CTNND2: variants seen among roughly 807,000 people sequenced by gnomAD.
CTNND2 encodes catenin delta 2, also known as catenin delta-2.
In CTNND2, 22 loss-of-function variants were observed where a neutral mutation model predicts 144.4. The ratio of observed to expected loss-of-function variants is 0.15; its 90% CI spans 0.11 to 0.22. The LOEUF (loss-of-function observed/expected upper bound fraction) is 0.22, where lower values mean the gene tolerates loss of function less well. Ranked by LOEUF, CTNND2 falls within the 10% of genes least tolerant of loss-of-function variation. The pLI is 1.00. For missense variants in CTNND2, 1,353 were observed against 1,618.8 expected, an observed-to-expected ratio of 0.84 and a Z score of 2.82; for synonymous variants, 751 against 695.6, an observed-to-expected ratio of 1.08 and a Z score of -1.25.
chr5:11,353,815 A>C (rs951167940), intron 8 of CTNND2, among the ~76,000 whole-genome samples: 13 of 152,276 alleles, frequency 8.5e-5, no homozygotes, highest in South Asian at 8.3e-4. Context: ...AAAAAAAAAA[A>C]AACATTGTAT....
intron 8 of CTNND2, among the ~76,000 whole-genome samples, chr5:11,358,132 G>T (rs1193582688): frequency 6.6e-6 from 1 of 152,128 alleles, no homozygotes; most frequent in South Asian, 2.1e-4. Flanking sequence ...AGTAATTGGG[G>T]TGCATCATCC....
At chr5:11,438,511 A>C (rs989372781) in intron 3 of CTNND2, among the ~76,000 whole-genome samples, 4 of 152,228 alleles carry the variant, frequency 2.6e-5, no homozygotes, top group Non-Finnish European at 4.4e-5. Flanking sequence ...CTAATTTCAG[A>C]GTCACACTTG....
intron 6 of CTNND2, among the ~76,000 whole-genome samples, chr5:11,389,051 T>C (rs1442488413): frequency 1.3e-5 from 2 of 152,202 alleles, no homozygotes; most frequent in Non-Finnish European, 2.9e-5. Context: ...ATAAAAATAA[T>C]GATATAACAA....
At chr5:11,379,347 C>T (rs746181788) in intron 7 of CTNND2, among the ~76,000 whole-genome samples, 5 of 152,142 alleles carry the variant, frequency 3.3e-5, no homozygotes, top group African/African-American at 9.7e-5. Flanking sequence ...CTATGCATCA[C>T]GTACATTTAA....
At chr5:11,180,402 T>C (rs1760886590) in intron 11 of CTNND2, among the ~76,000 whole-genome samples, 1 of 152,206 alleles carries the variant, frequency 6.6e-6, no homozygotes, top group African/African-American at 2.4e-5. Flanking sequence ...ACAAGGGTCA[T>C]GTGGCCTTAA....
At chr5:11,202,196 T>C (rs984241156) in intron 10 of CTNND2, among the ~76,000 whole-genome samples, 5 of 152,222 alleles carry the variant, frequency 3.3e-5, no homozygotes, top group Admixed American at 2.6e-4. Context: ...ATTTTAGCTA[T>C]ATTGGATGTT....
At chr5:11,847,746 T>C (rs1283994621) in intron 1 of CTNND2, among the ~76,000 whole-genome samples, 1 of 152,118 alleles carries the variant, frequency 6.6e-6, no homozygotes, top group East Asian at 1.9e-4. Flanking sequence ...CCCATGAATA[T>C]GTATAATTAC....
chr5:11,159,696 G>A lies in CTNND2; in HGVS notation c.2039C>T (p.Ala680Val). The A allele has an allele frequency of 6.2e-7, 1 of 1,612,386 alleles. No individual in the cohort carries two copies. The highest frequency in any genetic ancestry group is 8.5e-7 in the Non-Finnish European group (1 of 1,179,318). The stretch of plus-strand genomic sequence containing the variant: ...GATAATCACCGCGTTGGTCAGTACT[G>A]CTAGGGCATCCTGGATGATTGGCAT... ...LKMPIIQDAL[A>V]VLTNAVIIPH... The change falls in exon 12 of 22, where the codon GCA becomes GTA. Residue 680 changes from alanine (A) to valine (V), a missense_variant. Ala to Val is a moderately conservative substitution (Grantham distance 64). Coordinates refer to ENST00000304623, the MANE Select transcript of CTNND2 (RefSeq NM_001332.4).
At chr5:11,494,948 T>C (rs895539699) in intron 3 of CTNND2, among the ~76,000 whole-genome samples, 1 of 152,248 alleles carries the variant, frequency 6.6e-6, no homozygotes, top group African/African-American at 2.4e-5. Context: ...ATTTCTCATA[T>C]CTGTGAATAT....
chr5:11,559,530 C>T (rs990804934), intron 3 of CTNND2, among the ~76,000 whole-genome samples: 4 of 152,110 alleles, frequency 2.6e-5, no homozygotes, highest in African/African-American at 7.2e-5. Flanking sequence ...TAGGTCTTAC[C>T]TGGAGGATTC....
intron 9 of CTNND2, among the ~76,000 whole-genome samples, chr5:11,280,535 A>G (rs1747006657): frequency 6.6e-6 from 1 of 152,160 alleles, no homozygotes; most frequent in Non-Finnish European, 1.5e-5. Flanking sequence ...CTCTTTTGCA[A>G]GGACATTAGT....
intron 1 of CTNND2, among the ~76,000 whole-genome samples, chr5:11,835,078 C>T (rs556993272): frequency 2.6e-5 from 4 of 152,276 alleles, no homozygotes; most frequent in South Asian, 2.1e-4. Flanking sequence ...GTGGAGGCTG[C>T]GGTAAGCCAT....
intron 16 of CTNND2, among the ~76,000 whole-genome samples, chr5:11,054,408 A>C (rs1716802704): frequency 6.6e-6 from 1 of 152,194 alleles, no homozygotes; most frequent in Admixed American, 6.5e-5. Flanking sequence ...CCCAACACTT[A>C]GCCAGAAATA....
At chr5:11,894,283 T>G (rs1737223059) in intron 1 of CTNND2, among the ~76,000 whole-genome samples, 1 of 152,100 alleles carries the variant, frequency 6.6e-6, no homozygotes, top group African/African-American at 2.4e-5. Context: ...CTCCCATCTT[T>G]AAGCAGCAAA....
At chr5:11,146,453 G>A (rs1757253111) in intron 12 of CTNND2, among the ~76,000 whole-genome samples, 1 of 152,122 alleles carries the variant, frequency 6.6e-6, no homozygotes. Flanking sequence ...TTCTACCAAG[G>A]GCTCCAGGGT....
intron 1 of CTNND2, among the ~76,000 whole-genome samples, chr5:11,769,524 T>A (rs1789796152): frequency 6.6e-6 from 1 of 152,190 alleles, no homozygotes; most frequent in African/African-American, 2.4e-5. Context: ...AAACATAACA[T>A]TCTTCTAGAG....
intron 12 of CTNND2, among the ~76,000 whole-genome samples, chr5:11,147,612 C>T (rs1757362997): frequency 6.7e-6 from 1 of 149,106 alleles, no homozygotes; most frequent in South Asian, 2.1e-4. Flanking sequence ...CTCCTAAGGA[C>T]TCAAGAAGAG....
chr5:11,424,474 C>A (rs1294260757), intron 3 of CTNND2, among the ~76,000 whole-genome samples: 1 of 140,652 alleles, frequency 7.1e-6, no homozygotes, highest in East Asian at 1.9e-4. Flanking sequence ...CACACACATA[C>A]ACATACACAC....
chr5:11,723,077 C>G (rs1487390358), intron 2 of CTNND2, among the ~76,000 whole-genome samples: 3 of 147,772 alleles, frequency 2.0e-5, no homozygotes, highest in African/African-American at 7.8e-5. Context: ...TGCTTTCAAA[C>G]AGCAGTTAAA....
Sources: allele counts gnomAD v4.1 joint callset (sites outside exome capture counted in the v4.1 genomes callset), GRCh38; gene constraint gnomAD v4.1.1; transcripts MANE v1.5; gene names NCBI Gene and HGNC (gene_info 2026-07-23, HGNC 2026-07-21).